Variants in STPG2 observed in about 807,000 individuals in gnomAD.
STPG2 encodes the protein sperm-tail PG-rich repeat-containing protein 2.
A neutral mutation model predicts 54.2 loss-of-function variants in STPG2; 56 were observed. The observed-to-expected ratio is 1.03, with a 90% CI of 0.83 to 1.29. The LOEUF is 1.29. Among genes scored for constraint, STPG2 ranks in the 50% most tolerant of loss-of-function variants. The pLI is 0.00. For synonymous variants in STPG2, 200 were observed against 181.8 expected, an observed-to-expected ratio of 1.10 and a Z score of -0.81; for missense variants, 596 against 544.9, an observed-to-expected ratio of 1.09 and a Z score of -0.93.
intron 4 of STPG2, among the ~76,000 whole-genome samples, chr4:97,454,976 A>G (rs576723689): frequency 6.6e-6 from 1 of 152,310 alleles, no homozygotes; most frequent in African/African-American, 2.4e-5. Context: ...TATTCCTACT[A>G]CAGCACTTCA....
chr4:98,017,472 T>C (rs1401861752), intron 5 of STPG2, among the ~76,000 whole-genome samples: 2 of 152,306 alleles, frequency 1.3e-5, no homozygotes, highest in South Asian at 4.1e-4. Context: ...CCTTACTTCA[T>C]CTTCCTTTCC....
intron 10 of STPG2, among the ~76,000 whole-genome samples, chr4:97,582,461 A>C (rs2148891798): frequency 6.6e-6 from 1 of 152,194 alleles, no homozygotes; most frequent in South Asian, 2.1e-4. Flanking sequence ...TCTTTATTAT[A>C]ATAAAAATTT....
chr4:98,130,144 G>C (rs1739945476), intron 2 of STPG2, among the ~76,000 whole-genome samples: 1 of 151,518 alleles, frequency 6.6e-6, no homozygotes, highest in Admixed American at 6.6e-5. Flanking sequence ...ACAGGCACGA[G>C]CCACCGTGCC....
At chr4:97,538,583 G>C (rs1731600094) in intron 4 of STPG2, among the ~76,000 whole-genome samples, 1 of 152,200 alleles carries the variant, frequency 6.6e-6, no homozygotes, top group Non-Finnish European at 1.5e-5. Context: ...ACCTGAAAGT[G>C]ATGGGGAGAA....
intron 4 of STPG2, 23 bp from the exon 5 acceptor site, chr4:98,106,087 T>C (rs889286049): frequency 1.5e-6 from 2 of 1,348,458 alleles, no homozygotes; most frequent in African/African-American, 3.0e-5. Flanking sequence ...CAAATAGAAA[T>C]TAAGAATTCT....
intron 9 of STPG2, among the ~76,000 whole-genome samples, chr4:97,778,160 C>A (rs1177273951): frequency 6.6e-6 from 1 of 152,108 alleles, no homozygotes; most frequent in Non-Finnish European, 1.5e-5. Flanking sequence ...ATTCCCTTTC[C>A]CAGCCAAAGG....
chr4:97,964,169 A>G (rs1372825488), intron 7 of STPG2, among the ~76,000 whole-genome samples: 1 of 152,200 alleles, frequency 6.6e-6, no homozygotes, highest in East Asian at 1.9e-4. Context: ...TCCTCATGGC[A>G]TAACAAACAG....
intron 10 of STPG2, among the ~76,000 whole-genome samples, chr4:97,650,248 T>C (rs1358371214): frequency 6.6e-6 from 1 of 152,162 alleles, no homozygotes; most frequent in Admixed American, 6.5e-5. Context: ...GGGAGACCAG[T>C]ACCAGTCCGT....
At chr4:98,074,781 T>G (rs769604958) in intron 5 of STPG2, among the ~76,000 whole-genome samples, 47 of 152,248 alleles carry the variant, frequency 3.1e-4, no homozygotes, top group Non-Finnish European at 4.0e-4. Context: ...ATCTGTTTGA[T>G]GTTTTTATAA....
chr4:97,905,255 G>A (rs1483630141), intron 8 of STPG2, among the ~76,000 whole-genome samples: 1 of 152,112 alleles, frequency 6.6e-6, no homozygotes, highest in South Asian at 2.1e-4. Flanking sequence ...AACAGCGGAT[G>A]TCTCGGCAGA....
chr4:97,932,958 G>T (rs2149220371), intron 8 of STPG2, among the ~76,000 whole-genome samples: 1 of 152,292 alleles, frequency 6.6e-6, no homozygotes, highest in Admixed American at 6.5e-5. Flanking sequence ...CTTCCACAAT[G>T]GTTGAACTAA....
chr4:97,799,586 C>T (rs1212528959), intron 9 of STPG2, among the ~76,000 whole-genome samples: 3 of 152,148 alleles, frequency 2.0e-5, no homozygotes, highest in African/African-American at 7.2e-5. Flanking sequence ...TTGTGGGTAA[C>T]CCGACCTTTC....
At chr4:97,797,248 G>A (rs1473318782) in intron 9 of STPG2, among the ~76,000 whole-genome samples, 2 of 152,132 alleles carry the variant, frequency 1.3e-5, no homozygotes, top group African/African-American at 2.4e-5. Context: ...GTGAGAGAGG[G>A]CATCCCTGTC....
At chr4:98,136,365 A>G (rs1740135515) in intron 1 of STPG2, among the ~76,000 whole-genome samples, 1 of 151,748 alleles carries the variant, frequency 6.6e-6, no homozygotes, top group Non-Finnish European at 1.5e-5. Flanking sequence ...AACCTATAAT[A>G]GCATAGATTA....
At chr4:97,527,080 A>T (rs1346446923) in intron 4 of STPG2, among the ~76,000 whole-genome samples, 1 of 151,608 alleles carries the variant, frequency 6.6e-6, no homozygotes, top group African/African-American at 2.4e-5. Context: ...TACACATGCC[A>T]TGGCGGTTTG....
At chr4:97,910,986 G>A (rs1434770474) in intron 8 of STPG2, among the ~76,000 whole-genome samples, 6 of 152,148 alleles carry the variant, frequency 3.9e-5, no homozygotes, top group Non-Finnish European at 7.3e-5. Context: ...CGCAATCGGC[G>A]TGACCCATGT....
At chr4:97,580,024 G>A (rs944170350) in intron 10 of STPG2, among the ~76,000 whole-genome samples, 1 of 151,916 alleles carries the variant, frequency 6.6e-6, no homozygotes, top group South Asian at 2.1e-4. Context: ...GCTTACTCAT[G>A]ATCTTCATCA....
chr4:97,866,677 A>T (rs745981183), intron 8 of STPG2, among the ~76,000 whole-genome samples: 16 of 151,766 alleles, frequency 1.1e-4, no homozygotes, highest in Non-Finnish European at 1.9e-4. Context: ...CTTTTTTTTC[A>T]ACTTTCTTCT....
chr4:97,687,287 C>T (rs1723226680), intron 10 of STPG2, among the ~76,000 whole-genome samples: 1 of 150,386 alleles, frequency 6.6e-6, no homozygotes, highest in Non-Finnish European at 1.5e-5. Context: ...AAGTTCAGAA[C>T]CAATAGAATA....
Sources: gnomAD v4.1 joint callset for allele counts (sites outside exome capture counted in the v4.1 genomes callset) on GRCh38, gnomAD v4.1.1 for gene constraint, MANE v1.5 for transcripts, NCBI Gene and HGNC (gene_info 2026-07-23, HGNC 2026-07-21) for gene names.